The following CHD7 variants were observed in gnomAD, a reference collection of about 807,000 sequenced individuals.
CHD7 encodes ATP-dependent chromatin remodeler CHD7.
A neutral mutation model predicts 307.3 loss-of-function variants in CHD7; 24 were observed. That is an observed-to-expected ratio of 0.08 (90% CI 0.06 to 0.11). The LOEUF (loss-of-function observed/expected upper bound fraction) is 0.11, where lower values mean the gene tolerates loss of function less well. Ranked by LOEUF, CHD7 falls within the 10% of genes least tolerant of loss-of-function variation. The pLI is 1.00. For synonymous variants in CHD7, 1,363 were observed against 1,349.9 expected (o/e 1.01, Z -0.21); for missense variants, 3,106 against 3,727.1 (o/e 0.83, Z 4.34).
intron 1 of CHD7, among the ~76,000 whole-genome samples, chr8:60,732,061 A>G (rs971468110): frequency 6.6e-6 from 1 of 152,212 alleles, no homozygotes; most frequent in Middle Eastern, 3.2e-3. Context: ...GAATAGACAA[A>G]TTCTTTTCAG....
chr8:60,807,349 C>T (rs1006069741), intron 6 of CHD7, among the ~76,000 whole-genome samples: 1 of 152,114 alleles, frequency 6.6e-6, no homozygotes, highest in Admixed American at 6.5e-5. Context: ...TATTTTAGAT[C>T]CCTGATTTAT....
intron 6 of CHD7, among the ~76,000 whole-genome samples, chr8:60,804,889 A>G (rs1359409700): frequency 6.6e-6 from 1 of 152,250 alleles, no homozygotes. Context: ...TTTAAGTGTC[A>G]TATGAATAAT....
intron 2 of CHD7, among the ~76,000 whole-genome samples, chr8:60,757,735 T>C (rs575588105): frequency 6.6e-6 from 1 of 152,240 alleles, no homozygotes; most frequent in East Asian, 1.9e-4. Context: ...TCTGATAGAA[T>C]GTATTTTGAG....
intron 2 of CHD7, among the ~76,000 whole-genome samples, chr8:60,761,805 A>C (rs1370124953): frequency 6.6e-6 from 1 of 152,126 alleles, no homozygotes; most frequent in East Asian, 1.9e-4. Context: ...AGATTAATTA[A>C]TTAATCAGAA....
intron 1 of CHD7, among the ~76,000 whole-genome samples, chr8:60,707,132 G>T (rs1270777472): frequency 6.6e-6 from 1 of 152,202 alleles, no homozygotes; most frequent in East Asian, 1.9e-4. Flanking sequence ...TTAAGATTCT[G>T]TGTAGAAGCT....
chr8:60,687,713 A>G (rs535041799), intron 1 of CHD7, among the ~76,000 whole-genome samples: 5 of 152,322 alleles, frequency 3.3e-5, no homozygotes, highest in East Asian at 3.9e-4. Flanking sequence ...GTCATGGATC[A>G]TTTCATTTCC....
chr8:60,761,208 TGGAAATC>T (rs1019287451), intron 2 of CHD7, among the ~76,000 whole-genome samples: 20 of 151,128 alleles, frequency 1.3e-4, no homozygotes, highest in African/African-American at 4.9e-4. Flanking sequence ...TGGATGAAAT[TGGAAATC>T]ATCATTCTCA....
intron 3 of CHD7, among the ~76,000 whole-genome samples, chr8:60,788,173 A>G (rs1234908382): frequency 6.6e-6 from 1 of 151,390 alleles, no homozygotes; most frequent in Non-Finnish European, 1.5e-5. Flanking sequence ...GTGTAGGCCA[A>G]AGTGCAGTAA....
At chr8:60,722,096 T>G (rs891402293) in intron 1 of CHD7, among the ~76,000 whole-genome samples, 3 of 152,196 alleles carry the variant, frequency 2.0e-5, no homozygotes, top group Non-Finnish European at 4.4e-5. Context: ...TACGGCCTGG[T>G]CATCTGATTT....
chr8:60,776,373 T>G (rs1810952377), intron 2 of CHD7, among the ~76,000 whole-genome samples: 1 of 152,240 alleles, frequency 6.6e-6, no homozygotes, highest in Non-Finnish European at 1.5e-5. Flanking sequence ...ATTACCCCAG[T>G]TGACCATTCA....
rs67670110 is a variant in CHD7 at position 60,837,102 on chromosome 8, G to C, written c.4185+90G>C. The C allele has an allele frequency of 0.13, 129,597 of 1,007,674 alleles. 10,920 individuals carry two copies. The highest frequency in any genetic ancestry group is 0.38 in the African/African-American group (23,381 of 61,070). The allele number at this position is 1,007,674 out of a possible 1,614,324, so 62.4% of individuals were successfully genotyped here. Reference sequence around the variant, plus strand: ...GTACCAGTCAGACCCATAAATTAATGTTGCGTCGTCACTCAGGCTGTGTCC... The same window carrying C: ...GTACCAGTCAGACCCATAAATTAATCTTGCGTCGTCACTCAGGCTGTGTCC... On this transcript the variant is annotated intron_variant, in intron 17 of 37. Coordinates refer to ENST00000423902, the MANE Select transcript of CHD7 (RefSeq NM_017780.4).
Position 60,849,149 on chromosome 8 carries a change from A to G in CHD7, c.5399A>G (p.Lys1800Arg), listed in dbSNP as rs1481262806. The change falls in exon 25 of 38, where the codon AAA becomes AGA. Residue 1800 changes from lysine to arginine, a missense_variant. By Grantham distance (26) the Lys-to-Arg change is conservative. Transcript: ENST00000423902. ...AAATCCCTCTTAATTGGAGTGTTCA[A>G]ACATGGTAAGTGACGTTTCTGTTTG... ...ADKSLLIGVF[K>R]HGYEKYNSMR... 11 of 1,606,294 alleles carry G rather than the reference A, an allele frequency of 6.8e-6. No homozygotes were observed. The Admixed American group carries it at 1.8e-4, about 27-fold the overall frequency.
At position 60,849,185 on chromosome 8, in the gene CHD7, A is replaced by G. The variant is rs377257083; in HGVS notation, c.5404+31A>G. 11 of 1,358,176 alleles carry G rather than the reference A, an allele frequency of 8.1e-6. No homozygotes were observed. In the African/African-American group the frequency reaches 1.4e-4, roughly 18 times the overall value. 84.1% of individuals were successfully genotyped at this position (1,358,176 alleles called of 1,614,324 possible). A position where few individuals can be genotyped will look rare whatever the true frequency, so the allele number is the denominator to read the frequency against. ...TGACGTTTCTGTTTGAATACATCTC[A>G]ACTGTATGGCTTGGTCTTTATTTAG... On this transcript the variant is annotated intron_variant, in intron 25 of 37. Coordinates refer to ENST00000423902, the MANE Select transcript of CHD7 (RefSeq NM_017780.4).
At chr8:60,860,135 A>C (rs1805901837) in intron 34 of CHD7, among the ~76,000 whole-genome samples, 1 of 152,218 alleles carries the variant, frequency 6.6e-6, no homozygotes, top group Non-Finnish European at 1.5e-5. Context: ...CACATGTCTG[A>C]GACAAAGTGT....
intron 2 of CHD7, among the ~76,000 whole-genome samples, chr8:60,774,406 T>A (rs1394984299): frequency 3.3e-5 from 5 of 152,176 alleles, no homozygotes; most frequent in African/African-American, 1.2e-4. Flanking sequence ...CAACAGATGA[T>A]TAAAGGAAAC....
At chr8:60,749,610 A>AC (rs966872261) in intron 2 of CHD7, among the ~76,000 whole-genome samples, 20 of 151,700 alleles carry the variant, frequency 1.3e-4, no homozygotes, top group Non-Finnish European at 2.9e-4. Flanking sequence ...CTCTAAAAAA[A>AC]AATCAGCTTT....
At chr8:60,745,590 A>T (rs1809282176) in intron 2 of CHD7, among the ~76,000 whole-genome samples, 1 of 152,188 alleles carries the variant, frequency 6.6e-6, no homozygotes, top group Admixed American at 6.5e-5. Flanking sequence ...AGGTATTTTC[A>T]TTCTAAGTAC....
At position 60,794,987 on chromosome 8, in the gene CHD7, A is replaced by C. The variant is rs370267935; in HGVS notation, c.2098A>C (p.Asn700His). The C allele has an allele frequency of 6.2e-7, 1 of 1,612,288 alleles. No homozygotes were observed. The highest frequency in any genetic ancestry group is 1.1e-5 in the South Asian group (1 of 90,730). Residue 700 changes from asparagine to histidine, a missense_variant and splice_region_variant, in exon 4 of 38, where the codon AAT becomes CAT. This residue lies in a region of CHD7 where 998 missense variants were observed against 1,004.5 expected (regional missense o/e 0.99). Transcript: ENST00000423902. The part of the protein sequence containing the change: ...PKPKSSKKSS[N>H]KKPDSEASAL... ...TAAGCGATCCACTTTGAATTCTAGTAATAAGAAACCTGACTCAGAAGCAAG... is the reference window on the plus strand; with the variant it reads ...TAAGCGATCCACTTTGAATTCTAGTCATAAGAAACCTGACTCAGAAGCAAG...
intron 2 of CHD7, among the ~76,000 whole-genome samples, chr8:60,776,481 C>T (rs1442493187): frequency 1.3e-5 from 2 of 152,198 alleles, no homozygotes; most frequent in African/African-American, 4.8e-5. Flanking sequence ...CAGTCTCAGG[C>T]AGGATTTGTT....
Sources: gnomAD v4.1 joint callset for allele counts (sites outside exome capture counted in the v4.1 genomes callset) on GRCh38, gnomAD v4.1.1 for gene constraint, gnomAD v4.1.1 regional missense constraint, MANE v1.5 for transcripts, NCBI Gene and HGNC (gene_info 2026-07-23, HGNC 2026-07-21) for gene names.